The following GLDC variants were observed in gnomAD, a reference collection of about 807,000 sequenced individuals.
GLDC encodes the protein glycine decarboxylase, also known as glycine dehydrogenase (decarboxylating), mitochondrial.
Under a neutral mutation model 121.3 loss-of-function variants are expected in GLDC, and 104 were observed. The ratio of observed to expected loss-of-function variants is 0.86; its 90% CI spans 0.73 to 1.01. The LOEUF is 1.01. GLDC is among the 50% of genes least tolerant of loss of function. The probability of loss-of-function intolerance (pLI) is 0.00; values close to 1 mark genes in which losing one functional copy is unlikely to be tolerated. For missense variants in GLDC, 1,429 were observed against 1,306.6 expected, an observed-to-expected ratio of 1.09 and a Z score of -1.44; for synonymous variants, 546 against 480.6, an observed-to-expected ratio of 1.14 and a Z score of -1.78.
At chr9:6,604,194 C>G (rs745545101) in intron 7 of GLDC, among the ~76,000 whole-genome samples, 2 of 152,118 alleles carry the variant, frequency 1.3e-5, no homozygotes, top group Non-Finnish European at 2.9e-5. Flanking sequence ...GGAAGGAACG[C>G]GGAGCAAACT....
intron 15 of GLDC, among the ~76,000 whole-genome samples, chr9:6,586,302 C>T (rs7048970): frequency 0.53 from 81,063 of 151,742 alleles, 22,126 homozygotes; most frequent in Middle Eastern, 0.57. Context: ...TCTAAAAAAA[C>T]AAATAAATAA....
intron 7 of GLDC, among the ~76,000 whole-genome samples, chr9:6,603,325 G>A (rs1160377273): frequency 6.6e-6 from 1 of 151,938 alleles, no homozygotes; most frequent in African/African-American, 2.4e-5. Flanking sequence ...ATGATTTAAA[G>A]TATACAGAGG....
chr9:6,550,220 T>C (rs1333840994), intron 21 of GLDC, among the ~76,000 whole-genome samples: 3 of 152,224 alleles, frequency 2.0e-5, no homozygotes, highest in Non-Finnish European at 4.4e-5. Flanking sequence ...AATTAGCTTA[T>C]GGTATTTATG....
chr9:6,570,327 A>G (rs1817935278), intron 15 of GLDC, among the ~76,000 whole-genome samples: 1 of 152,260 alleles, frequency 6.6e-6, no homozygotes, highest in South Asian at 2.1e-4. Context: ...TTTAAAAATT[A>G]TAGTACCAAG....
intron 16 of GLDC, among the ~76,000 whole-genome samples, chr9:6,559,406 T>A (rs1332569496): frequency 6.7e-6 from 1 of 149,686 alleles, no homozygotes; most frequent in Admixed American, 6.7e-5. Flanking sequence ...TCCCAGTTAC[T>A]CGAGAGGCTG....
At chr9:6,628,762 A>G (rs1281937371) in intron 2 of GLDC, among the ~76,000 whole-genome samples, 1 of 152,190 alleles carries the variant, frequency 6.6e-6, no homozygotes, top group Non-Finnish European at 1.5e-5. Flanking sequence ...ACACTTGGAG[A>G]CAAGATGGCA....
chr9:6,550,743 T>A, intron 21 of GLDC, 60 bp downstream of exon 21: 2 of 1,038,940 alleles, frequency 1.9e-6, no homozygotes, highest in Admixed American at 3.4e-5. Flanking sequence ...CGCATCTAGG[T>A]CAAACTTAGT....
At chr9:6,617,201 G>A (rs1412518568) in intron 3 of GLDC, among the ~76,000 whole-genome samples, 4 of 152,148 alleles carry the variant, frequency 2.6e-5, no homozygotes, top group Non-Finnish European at 5.9e-5. Flanking sequence ...TATCAGCGCT[G>A]GTGGGGTGTA....
chr9:6,645,619 G>T lies in GLDC; in HGVS notation c.-120C>A. On this transcript the variant is annotated 5_prime_UTR_variant, in exon 1 of 25. The change creates a new upstream start codon in the 5' untranslated region. Transcript: ENST00000321612. ...GGCCTGGAGCCCCTTTCGCTGGACAGTCGGCCGGACAGATGGATGGACGCT... is the reference window on the plus strand; with the variant it reads ...GGCCTGGAGCCCCTTTCGCTGGACATTCGGCCGGACAGATGGATGGACGCT... 1 of 683,286 alleles carries T rather than the reference G, an allele frequency of 1.5e-6. No individual in the cohort carries two copies. Among genetic ancestry groups the T allele is most frequent in the Non-Finnish European group, 2.0e-6 (1 of 494,860 alleles). The allele number at this position is 683,286 out of a possible 1,614,324, so 42.3% of individuals were successfully genotyped here. A position where few individuals can be genotyped will look rare whatever the true frequency, so the allele number is the denominator to read the frequency against.
Position 6,532,756 on chromosome 9 carries a change from T to C in GLDC, c.*261A>G. 2.1e-6 allele frequency: 1 copy of C among 465,980 alleles called. No homozygotes were observed. The highest frequency in any genetic ancestry group is 2.2e-5 in the South Asian group (1 of 44,700). The allele number at this position is 465,980 out of a possible 1,614,324, so 28.9% of individuals were successfully genotyped here. On this transcript the variant is annotated 3_prime_UTR_variant, in exon 25 of 25. Coordinates refer to ENST00000321612, the MANE Select transcript of GLDC (RefSeq NM_000170.3). ...TTAAAAGTTAAAGTTCCTAAAACTTTCTACGCAAAACACAAAATGGCTCCC... is the reference window on the plus strand; with the variant it reads ...TTAAAAGTTAAAGTTCCTAAAACTTCCTACGCAAAACACAAAATGGCTCCC...
At chr9:6,621,251 G>T (rs550036518) in intron 2 of GLDC, among the ~76,000 whole-genome samples, 2 of 152,332 alleles carry the variant, frequency 1.3e-5, no homozygotes, top group Non-Finnish European at 2.9e-5. Context: ...TTATTAAGAA[G>T]TATAAATGTA....
intron 15 of GLDC, among the ~76,000 whole-genome samples, chr9:6,569,515 G>C: frequency 6.6e-6 from 1 of 152,114 alleles, no homozygotes; most frequent in East Asian, 1.9e-4. Flanking sequence ...AGCTGGGTGT[G>C]GTGGTGGGCA....
chr9:6,562,842 T>TC (rs1211325024), intron 16 of GLDC, among the ~76,000 whole-genome samples: 1 of 152,250 alleles, frequency 6.6e-6, no homozygotes, highest in Non-Finnish European at 1.5e-5. Flanking sequence ...ATTACAGGCA[T>TC]GAGCCACCAT....
chr9:6,605,208 C>G lies in GLDC; in HGVS notation c.784G>C (p.Val262Leu). 1 of 1,613,800 alleles carries G rather than the reference C, an allele frequency of 6.2e-7. No homozygotes were observed. Among genetic ancestry groups the G allele is most frequent in the Non-Finnish European group, 8.5e-7 (1 of 1,179,734 alleles). The change falls in exon 6 of 25, where the codon GTG becomes CTG. Residue 262 changes from valine (V) to leucine (L), a missense_variant. Coordinates refer to ENST00000321612, the MANE Select transcript of GLDC (RefSeq NM_000170.3). Reference protein sequence around the residue: ...MDFSGKDVSGVLFQYPDTEGK... With the variant: ...MDFSGKDVSGLLFQYPDTEGK... ...TCCGTGTCTGGGTACTGGAACAACA[C>G]TCCACTGACATCTTTTCCACTGAAG...
intron 24 of GLDC, among the ~76,000 whole-genome samples, chr9:6,534,405 A>G (rs779370197): frequency 1.3e-5 from 2 of 150,080 alleles, no homozygotes; most frequent in Admixed American, 1.3e-4. Flanking sequence ...AAAGGAAAGG[A>G]AGGTTGCACT....
intron 7 of GLDC, among the ~76,000 whole-genome samples, chr9:6,602,495 G>A (rs1012440656): frequency 6.6e-6 from 1 of 151,610 alleles, no homozygotes; most frequent in African/African-American, 2.4e-5. Context: ...TACTGCATCA[G>A]CCTCCTGACA....
chr9:6,621,027 A>G (rs148923395), intron 2 of GLDC, among the ~76,000 whole-genome samples: 2,697 of 152,208 alleles, frequency 0.018, 38 homozygotes, highest in Non-Finnish European at 0.025. Context: ...AAAATTAGCC[A>G]GGCATGGTGG....
At position 6,633,821 on chromosome 9, in the gene GLDC, CTTTTTTTTTTTTT is replaced by C. The variant is rs1156711956; in HGVS notation, c.334+10780_334+10792del. Among the ~76,000 whole-genome samples, 649 of 89,466 alleles carry C rather than the reference CTTTTTTTTTTTTT, an allele frequency of 7.3e-3. 17 individuals carry two copies. The highest frequency in any genetic ancestry group is 0.017 in the Admixed American group (114 of 6,608). The allele number at this position is 89,466 out of a possible 152,430, so 58.7% of individuals were successfully genotyped here. On this transcript the variant is annotated intron_variant, in intron 2 of 24. Coordinates refer to ENST00000321612, the MANE Select transcript of GLDC (RefSeq NM_000170.3). ...ACTTGGGAGGCTGAGGCAGGAGAAT[CTTTTTTTTTTTTT>C]TTTTTTTTTTTTTGAGACGGAGTCT...
At position 6,533,006 on chromosome 9, in the gene GLDC, G is replaced by A. The variant is rs753397431; in HGVS notation, c.*11C>T. ...GCATCAAATCAGTCCTTTAAACTTA[G>A]GGACAGAGGACTAAGAAGACGCCCT... On this transcript the variant is annotated 3_prime_UTR_variant, in exon 25 of 25. Coordinates refer to ENST00000321612, the MANE Select transcript of GLDC (RefSeq NM_000170.3). The A allele has an allele frequency of 3.0e-5, 48 of 1,589,536 alleles. No individual in the cohort carries two copies. The highest frequency in any genetic ancestry group is 3.8e-5 in the Non-Finnish European group (44 of 1,158,714).
Sources: gnomAD v4.1 joint callset for allele counts (sites outside exome capture counted in the v4.1 genomes callset) on GRCh38, gnomAD v4.1.1 for gene constraint, MANE v1.5 for transcripts, NCBI Gene and HGNC (gene_info 2026-07-23, HGNC 2026-07-21) for gene names.